Variants in DSCAM observed in about 807,000 individuals in gnomAD.
DSCAM encodes DS cell adhesion molecule.
A neutral mutation model predicts 217.7 loss-of-function variants in DSCAM; 47 were observed. That is an observed-to-expected ratio of 0.22 (90% CI 0.17 to 0.28). The LOEUF (loss-of-function observed/expected upper bound fraction) is 0.28, where lower values mean the gene tolerates loss of function less well. Among genes scored for constraint, DSCAM ranks in the 10% least tolerant of loss-of-function variants. The pLI is 1.00. For missense variants in DSCAM, 2,080 were observed against 2,618.3 expected, an observed-to-expected ratio of 0.79 and a Z score of 4.49; for synonymous variants, 1,056 against 1,015.3, an observed-to-expected ratio of 1.04 and a Z score of -0.76.
At chr21:40,542,549 G>A (rs182671232) in intron 3 of DSCAM, among the ~76,000 whole-genome samples, 7 of 152,282 alleles carry the variant, frequency 4.6e-5, no homozygotes, top group South Asian at 2.1e-4. Context: ...TAGAAAAGAC[G>A]CAAGAGTTAG....
chr21:40,745,119 A>G (rs112129254), intron 1 of DSCAM, among the ~76,000 whole-genome samples: 4,123 of 152,254 alleles, frequency 0.027, 181 homozygotes, highest in African/African-American at 0.093. Flanking sequence ...GAGGAGAAAA[A>G]TCTTTAAAAA....
intron 1 of DSCAM, among the ~76,000 whole-genome samples, chr21:40,771,258 A>C (rs1449235557): frequency 1.3e-5 from 2 of 152,182 alleles, no homozygotes; most frequent in Non-Finnish European, 2.9e-5. Context: ...TTCATTGAGC[A>C]GGCCATGGGC....
rs911356584 is a variant in DSCAM, at chr21:40,528,898, C to CTTTTTTTTTTTTTTTTTTTTTTTTTT, written c.509-159654_509-159653insAAAAAAAAAAAAAAAAAAAAAAAAAA. On this transcript the variant is annotated intron_variant, in intron 3 of 32. Transcript: ENST00000400454. ...TCTTTGGCAATGTCCAGGCTTTCCA[C>CTTTTTTTTTTTTTTTTTTTTTTTTTT]TTTTTTTTTTTTTTTTTTTTTTTGA... Among the ~76,000 whole-genome samples, 37 of 99,382 alleles carry CTTTTTTTTTTTTTTTTTTTTTTTTTT rather than the reference C, an allele frequency of 3.7e-4. 4 individuals carry two copies. Among genetic ancestry groups the CTTTTTTTTTTTTTTTTTTTTTTTTTT allele is most frequent in the African/African-American group, 1.5e-3 (30 of 20,548 alleles). 65.2% of individuals were successfully genotyped at this position (99,382 alleles called of 152,430 possible).
chr21:40,293,495 G>A (rs1025736378), intron 10 of DSCAM, among the ~76,000 whole-genome samples: 2 of 152,150 alleles, frequency 1.3e-5, no homozygotes, highest in African/African-American at 4.8e-5. Context: ...GTCCTCTTAT[G>A]AGAAAAATAA....
rs1356473887 is a variant in DSCAM at position 40,450,404 on chromosome 21, T to C, written c.509-81159A>G. Among the ~76,000 whole-genome samples the C allele has an allele frequency of 2.0e-5, 3 of 152,184 alleles. No homozygotes were observed. In the East Asian group the frequency reaches 5.8e-4, roughly 29 times the overall value. ...TTGCCTTCAAATTCTGGCCACAATC[T>C]TATTAATTCATTCACAACTACATGA... is the stretch of plus-strand genomic sequence containing the variant. On this transcript the variant is annotated intron_variant, in intron 3 of 32. Transcript: ENST00000400454.
At chr21:40,418,899 A>G (rs925962468) in intron 3 of DSCAM, among the ~76,000 whole-genome samples, 3 of 152,212 alleles carry the variant, frequency 2.0e-5, no homozygotes, top group Non-Finnish European at 4.4e-5. Context: ...TGAACTGGAC[A>G]TGAATATTCA....
intron 20 of DSCAM, among the ~76,000 whole-genome samples, chr21:40,105,879 T>C (rs1422272453): frequency 1.3e-5 from 2 of 152,226 alleles, no homozygotes; most frequent in Non-Finnish European, 2.9e-5. Context: ...GTTTTTGTCT[T>C]TACTTCTGTT....
chr21:40,047,033 G>A (rs1046723983), intron 30 of DSCAM, among the ~76,000 whole-genome samples: 2 of 151,896 alleles, frequency 1.3e-5, no homozygotes, highest in Non-Finnish European at 1.5e-5. Context: ...TTTTCTAGAT[G>A]AGGACAGTTT....
At chr21:40,417,160 T>C (rs2075379772) in intron 3 of DSCAM, among the ~76,000 whole-genome samples, 1 of 152,228 alleles carries the variant, frequency 6.6e-6, no homozygotes, top group African/African-American at 2.4e-5. Context: ...TTGTTAAGGT[T>C]GCGTGAACAT....
chr21:40,747,934 CATA>C (rs2091190890), intron 1 of DSCAM, among the ~76,000 whole-genome samples: 1 of 151,784 alleles, frequency 6.6e-6, no homozygotes, highest in Non-Finnish European at 1.5e-5. Context: ...AATCAATAAA[CATA>C]ATATTACCAC....
chr21:40,238,593 G>A (rs1004215185), intron 11 of DSCAM, among the ~76,000 whole-genome samples: 19 of 152,314 alleles, frequency 1.2e-4, no homozygotes, highest in African/African-American at 4.1e-4. Flanking sequence ...AAAGCATTGC[G>A]TCTTCTCTCA....
At chr21:40,795,628 A>T (rs1373173743) in intron 1 of DSCAM, among the ~76,000 whole-genome samples, 4 of 152,216 alleles carry the variant, frequency 2.6e-5, no homozygotes, top group Non-Finnish European at 5.9e-5. Context: ...CTGGATGCTC[A>T]GTACACATCT....
intron 11 of DSCAM, among the ~76,000 whole-genome samples, chr21:40,220,741 A>G (rs1406049148): frequency 6.6e-6 from 1 of 152,218 alleles, no homozygotes; most frequent in Non-Finnish European, 1.5e-5. Flanking sequence ...GATGCAGGAC[A>G]CAATTTATTT....
intron 11 of DSCAM, among the ~76,000 whole-genome samples, chr21:40,220,231 TTGTC>T (rs1374421961): frequency 7.2e-5 from 11 of 152,280 alleles, no homozygotes; most frequent in African/African-American, 2.4e-4. Context: ...GGGAGAGTCA[TTGTC>T]TGTGTGTGGC....
At chr21:40,686,637 C>T (rs1024645838) in intron 3 of DSCAM, among the ~76,000 whole-genome samples, 1 of 152,218 alleles carries the variant, frequency 6.6e-6, no homozygotes, top group Non-Finnish European at 1.5e-5. Context: ...TTGTACTCCA[C>T]AATACACAGT....
chr21:40,468,832 A>G (rs2075865473), intron 3 of DSCAM, among the ~76,000 whole-genome samples: 1 of 152,180 alleles, frequency 6.6e-6, no homozygotes. Flanking sequence ...ACAACAAAAT[A>G]ATAAAGATTT....
intron 2 of DSCAM, among the ~76,000 whole-genome samples, chr21:40,701,546 A>G (rs1442194701): frequency 2.0e-5 from 3 of 152,242 alleles, no homozygotes; most frequent in East Asian, 1.9e-4. Flanking sequence ...AATTTCTAAT[A>G]TAAGTTTTTT....
At chr21:40,204,375 A>G (rs2837493) in intron 11 of DSCAM, among the ~76,000 whole-genome samples, 85,209 of 152,140 alleles carry the variant, frequency 0.56, 25,699 homozygotes, top group African/African-American at 0.8. Flanking sequence ...AATGGCTCCT[A>G]AAGACTTTTA....
At chr21:40,809,659 C>T (rs539104853) in intron 1 of DSCAM, among the ~76,000 whole-genome samples, 7 of 152,164 alleles carry the variant, frequency 4.6e-5, no homozygotes, top group African/African-American at 1.2e-4. Flanking sequence ...CTCTAGGAGA[C>T]GTCATGCTTC....
Sources: allele counts gnomAD v4.1 joint callset (sites outside exome capture counted in the v4.1 genomes callset), GRCh38; gene constraint gnomAD v4.1.1; transcripts MANE v1.5; gene names NCBI Gene and HGNC (gene_info 2026-07-23, HGNC 2026-07-21).